Variants in ZFHX3 observed in about 807,000 individuals in gnomAD.
ZFHX3 encodes the protein zinc finger homeobox 3.
In ZFHX3, 42 loss-of-function variants were observed where a neutral mutation model predicts 279.1. That is an observed-to-expected ratio of 0.15 (90% CI 0.12 to 0.19). The LOEUF (loss-of-function observed/expected upper bound fraction) is 0.19, where lower values mean the gene tolerates loss of function less well. Among genes scored for constraint, ZFHX3 ranks in the 10% least tolerant of loss-of-function variants. The probability of loss-of-function intolerance (pLI) is 1.00; values close to 1 mark genes in which losing one functional copy is unlikely to be tolerated. For missense variants in ZFHX3, 4,981 were observed against 4,754.0 expected (o/e 1.05, Z -1.40); for synonymous variants, 2,293 against 1,957.8 (o/e 1.17, Z -4.52).
At chr16:73,252,274 G>A (rs1004470773) in intron 5 of ZFHX3, among the ~76,000 whole-genome samples, 7 of 152,174 alleles carry the variant, frequency 4.6e-5, no homozygotes, top group Admixed American at 3.9e-4. Context: ...AAGAAGAAAA[G>A]ACTTGAGGTG....
intron 1 of ZFHX3, among the ~76,000 whole-genome samples, chr16:73,028,921 T>C (rs1964603305): frequency 6.6e-6 from 1 of 152,238 alleles, no homozygotes; most frequent in African/African-American, 2.4e-5. Context: ...GGCTTCAGCC[T>C]CGACAGGTGT....
chr16:72,788,878 T>G, intron 9 of ZFHX3, 30 bp from the exon 10 acceptor site: 1 of 1,514,806 alleles, frequency 6.6e-7, no homozygotes, highest in Non-Finnish European at 8.8e-7. Flanking sequence ...AAATCACCGG[T>G]CAGTCTGGGC....
chr16:73,681,802 A>G (rs1175448198), intron 1 of ZFHX3, among the ~76,000 whole-genome samples: 1 of 152,232 alleles, frequency 6.6e-6, no homozygotes, highest in Non-Finnish European at 1.5e-5. Context: ...AACTATAACA[A>G]TGGAAGGGTA....
chr16:73,648,677 G>T (rs1014259047), intron 2 of ZFHX3, among the ~76,000 whole-genome samples: 11 of 152,154 alleles, frequency 7.2e-5, no homozygotes, highest in African/African-American at 2.4e-4. Flanking sequence ...CTCCCAAAGT[G>T]CTGGGATTAT....
At chr16:73,162,473 G>A (rs1967262602) in intron 5 of ZFHX3, among the ~76,000 whole-genome samples, 1 of 152,156 alleles carries the variant, frequency 6.6e-6, no homozygotes, top group Non-Finnish European at 1.5e-5. Context: ...ATATTCCAAT[G>A]TAATAATTAT....
intron 1 of ZFHX3, among the ~76,000 whole-genome samples, chr16:73,840,798 A>C (rs953344745): frequency 6.6e-6 from 1 of 152,218 alleles, no homozygotes; most frequent in Admixed American, 6.5e-5. Flanking sequence ...TTTTGAAAAT[A>C]GTCGACTGAT....
intron 5 of ZFHX3, among the ~76,000 whole-genome samples, chr16:73,166,721 G>A (rs2063891026): frequency 6.6e-6 from 1 of 152,170 alleles, no homozygotes; most frequent in Admixed American, 6.5e-5. Context: ...CTGTTTTTAG[G>A]AAGGCAGGAA....
intron 1 of ZFHX3, among the ~76,000 whole-genome samples, chr16:73,784,795 AAATATATAT>A (rs1466439710): frequency 1.7e-5 from 2 of 120,032 alleles, no homozygotes; most frequent in African/African-American, 6.3e-5. Flanking sequence ...ATAAAAAAAA[AAATATATAT>A]ATATATATAT....
At position 73,777,372 on chromosome 16, in the gene ZFHX3, G is replaced by A. The variant is rs147118345; in HGVS notation, c.-1607-97132C>T. 8.6e-3 allele frequency among the ~76,000 whole-genome samples: 1,309 copies of A among 151,882 alleles called. 13 individuals are homozygous for A. The highest frequency in any genetic ancestry group is 0.018 in the African/African-American group (757 of 41,436). On this transcript the variant is annotated intron_variant, in intron 1 of 17. Transcript: ENST00000641206. Reference sequence around the variant, plus strand: ...TAAAAAATTAGCCAGGTGTGGTGGCGCGTGCCTGTAGTCTCAGCTACTCAG... The same window carrying A: ...TAAAAAATTAGCCAGGTGTGGTGGCACGTGCCTGTAGTCTCAGCTACTCAG...
At chr16:73,383,626 T>G (rs1200027053) in intron 3 of ZFHX3, among the ~76,000 whole-genome samples, 1 of 144,564 alleles carries the variant, frequency 6.9e-6, no homozygotes, top group East Asian at 2.0e-4. Context: ...CCTCTCTGTT[T>G]CCCGAAATCC....
At chr16:73,831,880 G>A (rs909134220) in intron 1 of ZFHX3, among the ~76,000 whole-genome samples, 3 of 152,192 alleles carry the variant, frequency 2.0e-5, no homozygotes, top group Admixed American at 1.3e-4. Context: ...GCCCTCACCT[G>A]ACTAGAGTTT....
At chr16:73,286,131 G>T (rs1213186979) in intron 4 of ZFHX3, among the ~76,000 whole-genome samples, 1 of 151,884 alleles carries the variant, frequency 6.6e-6, no homozygotes, top group African/African-American at 2.4e-5. Context: ...TCCCTCCGCG[G>T]CTCCCATGGT....
chr16:73,814,238 C>A (rs1202554526), intron 1 of ZFHX3, among the ~76,000 whole-genome samples: 3 of 152,058 alleles, frequency 2.0e-5, no homozygotes, highest in Non-Finnish European at 4.4e-5. Flanking sequence ...CCATTGTCAA[C>A]TGCCAAATGG....
chr16:73,152,963 CA>C (rs1215303421), intron 5 of ZFHX3, among the ~76,000 whole-genome samples: 3 of 152,006 alleles, frequency 2.0e-5, no homozygotes, highest in African/African-American at 7.3e-5. Context: ...AAGTGAAATG[CA>C]GTTGCTGTGA....
intron 3 of ZFHX3, among the ~76,000 whole-genome samples, chr16:72,938,822 A>C (rs1389643592): frequency 6.6e-6 from 1 of 152,208 alleles, no homozygotes; most frequent in East Asian, 1.9e-4. Context: ...CTCCGCTGAC[A>C]GCTGCAGCCA....
intron 2 of ZFHX3, among the ~76,000 whole-genome samples, chr16:73,649,348 T>C (rs567096713): frequency 4.6e-5 from 7 of 152,206 alleles, no homozygotes; most frequent in East Asian, 1.9e-4. Context: ...CTACTCAACA[T>C]GTAATCATCA....
intron 1 of ZFHX3, among the ~76,000 whole-genome samples, chr16:73,003,678 C>T (rs72795144): frequency 0.011 from 1,713 of 152,200 alleles, 14 homozygotes; most frequent in Non-Finnish European, 0.018. Context: ...TGCACTCCAG[C>T]CTGGACGAAA....
chr16:73,688,776 G>A (rs939387300), intron 1 of ZFHX3, among the ~76,000 whole-genome samples: 1 of 152,192 alleles, frequency 6.6e-6, no homozygotes, highest in African/African-American at 2.4e-5. Context: ...CCAGGTGGGA[G>A]ATAATTGAAT....
At chr16:73,207,489 G>A (rs1449435909) in intron 5 of ZFHX3, among the ~76,000 whole-genome samples, 1 of 151,988 alleles carries the variant, frequency 6.6e-6, no homozygotes, top group Non-Finnish European at 1.5e-5. Flanking sequence ...TAGTAAATAG[G>A]TAATAATAAA....
Sources: gnomAD v4.1 joint callset for allele counts (sites outside exome capture counted in the v4.1 genomes callset) on GRCh38, gnomAD v4.1.1 for gene constraint, MANE v1.5 for transcripts, NCBI Gene and HGNC (gene_info 2026-07-23, HGNC 2026-07-21) for gene names.